SCIN: variants seen among roughly 807,000 people sequenced by gnomAD.
SCIN encodes the protein adseverin.
SCIN carries 91 observed loss-of-function variants against 91.8 expected under a neutral mutation model. The observed-to-expected ratio is 0.99, with a 90% confidence interval of 0.84 to 1.18. The LOEUF (loss-of-function observed/expected upper bound fraction) is 1.18, where lower values mean the gene tolerates loss of function less well. SCIN is among the 50% of genes most tolerant of loss of function. The pLI is 0.00. For synonymous variants in SCIN, 367 were observed against 312.6 expected, an observed-to-expected ratio of 1.17 and a Z score of -1.84; for missense variants, 1,087 against 863.9, an observed-to-expected ratio of 1.26 and a Z score of -3.24.
In SCIN at chr7:12,645,804, A is replaced by C. The variant is rs118034938; in HGVS notation, c.1881+1099A>C. Among the ~76,000 whole-genome samples the C allele has an allele frequency of 6.0e-3, 913 of 152,304 alleles. 4 individuals carry two copies. The highest frequency in any genetic ancestry group is 0.01 in the Non-Finnish European group (698 of 68,032). On this transcript the variant is annotated intron_variant, in intron 13 of 15. Transcript: ENST00000297029. Reference sequence around the variant, plus strand: ...GGATTAATGATATAATTAATGTGAAAGCATTAATGTTGTGATGTCCTATAT... The same window carrying C: ...GGATTAATGATATAATTAATGTGAACGCATTAATGTTGTGATGTCCTATAT...
intron 12 of SCIN, 114 bp from the exon 13 acceptor site, chr7:12,644,470 C>CT: frequency 8.7e-6 from 13 of 1,486,152 alleles, no homozygotes; most frequent in Non-Finnish European, 1.2e-5. Flanking sequence ...TACCTGATTT[C>CT]TTTAAGTAAT....
Position 12,659,295 on chromosome 7 carries a change from G to A in SCIN, c.*6580G>A, listed in dbSNP as rs1218302342. On this transcript the variant is annotated 3_prime_UTR_variant, in exon 16 of 16. Coordinates refer to ENST00000297029, the MANE Select transcript of SCIN (RefSeq NM_001112706.3). ...TAAAAGCACCATTTACCACCCATTT[G>A]TCTATGGACTTAATCTATGTCTCTA... is the stretch of plus-strand genomic sequence containing the variant. The A allele has an allele frequency of 2.0e-5, 3 of 152,140 alleles. No homozygotes were observed. The highest frequency in any genetic ancestry group is 4.4e-5 in the Non-Finnish European group (3 of 68,040). The allele number at this position is 152,140 out of a possible 1,614,324, so 9.4% of individuals were successfully genotyped here. A position where few individuals can be genotyped will look rare whatever the true frequency, so the allele number is the denominator to read the frequency against.
At position 12,655,167 on chromosome 7, in the gene SCIN, A is replaced by G. The variant is rs556703633; in HGVS notation, c.*2452A>G. On this transcript the variant is annotated 3_prime_UTR_variant, in exon 16 of 16. Coordinates refer to ENST00000297029, the MANE Select transcript of SCIN (RefSeq NM_001112706.3). ...TTACTTATAATACCTAATACAGTGT[A>G]AACGCTGTGTAAACAGTTGTTATAC... 1 of 152,204 alleles carries G rather than the reference A, an allele frequency of 6.6e-6. No homozygotes were observed. Among genetic ancestry groups the G allele is most frequent in the African/African-American group, 2.4e-5 (1 of 41,462 alleles). The allele number at this position is 152,204 out of a possible 1,614,324, so 9.4% of individuals were successfully genotyped here. A position where few individuals can be genotyped will look rare whatever the true frequency, so the allele number is the denominator to read the frequency against.
At chr7:12,612,613 A>G (rs1335324396) in intron 4 of SCIN, among the ~76,000 whole-genome samples, 1 of 152,136 alleles carries the variant, frequency 6.6e-6, no homozygotes, top group Non-Finnish European at 1.5e-5. Flanking sequence ...TGCTCCAGCT[A>G]TTTAGATCTA....
At chr7:12,629,278 A>C in intron 9 of SCIN, 56 bp downstream of exon 9, 1 of 1,542,254 alleles carries the variant, frequency 6.5e-7, no homozygotes, top group Non-Finnish European at 8.8e-7. Context: ...TTTGCTCCAA[A>C]GTATTAAATT....
At chr7:12,597,871 A>G (rs1383595248) in intron 3 of SCIN, among the ~76,000 whole-genome samples, 1 of 152,182 alleles carries the variant, frequency 6.6e-6, no homozygotes, top group African/African-American at 2.4e-5. Flanking sequence ...CTGCTAGAGG[A>G]TGTTCATATA....
At chr7:12,644,464 T>C in intron 12 of SCIN, 120 bp from the exon 13 acceptor site, 2 of 1,474,482 alleles carry the variant, frequency 1.4e-6, no homozygotes, top group Admixed American at 2.3e-5. Flanking sequence ...TGATGGTACC[T>C]GATTTCTTTA....
intron 4 of SCIN, among the ~76,000 whole-genome samples, chr7:12,612,278 A>C (rs1000649210): frequency 3.3e-5 from 5 of 152,200 alleles, no homozygotes; most frequent in Non-Finnish European, 7.3e-5. Context: ...TTTGATTGAA[A>C]TAACATTATT....
At chr7:12,627,565 C>T (rs575967126) in intron 8 of SCIN, among the ~76,000 whole-genome samples, 2 of 152,286 alleles carry the variant, frequency 1.3e-5, no homozygotes, top group East Asian at 3.9e-4. Flanking sequence ...TACTACAATT[C>T]TTGGACCAAA....
At position 12,629,137 on chromosome 7, in the gene SCIN, G is replaced by A; in HGVS notation, c.1234G>A (p.Asp412Asn). ...RVENNGRIQV[D>N]QNSYGEFYGG... ...AGAAAACAATGGTAGGATCCAAGTTGACCAAAACTCATATGGTGAATTCTA... is the reference window on the plus strand; with the variant it reads ...AGAAAACAATGGTAGGATCCAAGTTAACCAAAACTCATATGGTGAATTCTA... The change falls in exon 9 of 16, where the codon GAC becomes AAC. Residue 412 changes from aspartate (D) to asparagine (N), a missense_variant. Coordinates refer to ENST00000297029, the MANE Select transcript of SCIN (RefSeq NM_001112706.3). 1 of 1,613,018 alleles carries A rather than the reference G, an allele frequency of 6.2e-7. No individual in the cohort carries two copies. Among genetic ancestry groups the A allele is most frequent in the Non-Finnish European group, 8.5e-7 (1 of 1,179,348 alleles).
intron 10 of SCIN, among the ~76,000 whole-genome samples, chr7:12,638,276 A>C (rs1000845194): frequency 3.9e-5 from 6 of 152,064 alleles, no homozygotes; most frequent in Non-Finnish European, 8.8e-5. Context: ...AGCTGGAACT[A>C]TCTCTCTCCC....
chr7:12,644,382 T>C, intron 12 of SCIN, 67 bp downstream of exon 12: 1 of 1,504,192 alleles, frequency 6.6e-7, no homozygotes, highest in Non-Finnish European at 8.9e-7. Flanking sequence ...TCATCTTTTT[T>C]TCACCAAAAA....
In SCIN at chr7:12,646,684, ATTC is replaced by A. The variant is rs373850832; in HGVS notation, c.1881+1985_1881+1987del. ...GGTAAATTTTTCATTTAAAGAATGA[ATTC>A]TTCTTTTATATAAAATTTGATCCAC... is the stretch of plus-strand genomic sequence containing the variant. On this transcript the variant is annotated intron_variant, in intron 13 of 15. Transcript: ENST00000297029. 9.8e-5 allele frequency among the ~76,000 whole-genome samples: 15 copies of A among 152,326 alleles called. No individual in the cohort carries two copies. The East Asian group carries it at 2.5e-3, about 25-fold the overall frequency.
At chr7:12,648,289 C>G (rs570512476) in intron 13 of SCIN, among the ~76,000 whole-genome samples, 25 of 143,818 alleles carry the variant, frequency 1.7e-4, no homozygotes, top group Non-Finnish European at 3.0e-4. Context: ...CTTTTTCTCT[C>G]TCTCTCTTTT....
intron 3 of SCIN, chr7:12,596,231 C>T (rs1458373509): frequency 2.0e-5 from 8 of 400,668 alleles, no homozygotes; most frequent in African/African-American, 4.1e-5. Flanking sequence ...TCTAGGAAGT[C>T]GTACACATGC....
chr7:12,648,320 G>A (rs60358821), intron 13 of SCIN, among the ~76,000 whole-genome samples: 5,452 of 133,356 alleles, frequency 0.041, 360 homozygotes, highest in African/African-American at 0.14. Context: ...TTTCTGAGAC[G>A]GAGTCTCATT....
chr7:12,588,181 A>C (rs1304839871), intron 3 of SCIN, among the ~76,000 whole-genome samples: 1 of 152,226 alleles, frequency 6.6e-6, no homozygotes, highest in East Asian at 1.9e-4. Context: ...AGAATGGATA[A>C]TGGGAAAGAT....
At position 12,654,651 on chromosome 7, in the gene SCIN, A is replaced by C. The variant is rs1331689562; in HGVS notation, c.*1936A>C. ...CACAAAATTAGTAAAGGTCAAGGTGAGTGGCTTAGGGTACACTGTATTTTA... is the reference window on the plus strand; with the variant it reads ...CACAAAATTAGTAAAGGTCAAGGTGCGTGGCTTAGGGTACACTGTATTTTA... On this transcript the variant is annotated 3_prime_UTR_variant, in exon 16 of 16. Coordinates refer to ENST00000297029, the MANE Select transcript of SCIN (RefSeq NM_001112706.3). 1 of 152,174 alleles carries C rather than the reference A, an allele frequency of 6.6e-6. No individual in the cohort carries two copies. The highest frequency in any genetic ancestry group is 1.5e-5 in the Non-Finnish European group (1 of 67,992). The allele number at this position is 152,174 out of a possible 1,614,324, so 9.4% of individuals were successfully genotyped here. A position where few individuals can be genotyped will look rare whatever the true frequency, so the allele number is the denominator to read the frequency against.
At chr7:12,576,354 A>T (rs1782371226) in intron 1 of SCIN, among the ~76,000 whole-genome samples, 1 of 102,128 alleles carries the variant, frequency 9.8e-6, no homozygotes, top group Non-Finnish European at 2.0e-5. Flanking sequence ...CTAGCTACTG[A>T]GTTGTTTTTT....
Sources: allele counts gnomAD v4.1 joint callset (sites outside exome capture counted in the v4.1 genomes callset), GRCh38; gene constraint gnomAD v4.1.1; transcripts MANE v1.5; gene names NCBI Gene and HGNC (gene_info 2026-07-23, HGNC 2026-07-21).